RGS8: variants seen among roughly 807,000 people sequenced by gnomAD.
The protein encoded by RGS8 is regulator of G protein signaling 8, also known as regulator of G-protein signaling 8.
In RGS8, 8 loss-of-function variants were observed where a neutral mutation model predicts 21.7. The ratio of observed to expected loss-of-function variants is 0.37; its 90% confidence interval spans 0.22 to 0.66. The LOEUF is 0.66. RGS8 is among the 30% of genes least tolerant of loss of function. The pLI, the probability that RGS8 is intolerant of heterozygous loss-of-function variation, is 0.59. For synonymous variants in RGS8, 80 were observed against 83.6 expected (o/e 0.96, Z 0.24); for missense variants, 157 against 217.9 (o/e 0.72, Z 1.76).
chr1:182,733,433 G>A, the RGS8 span, among the ~76,000 whole-genome samples: 5 of 152,184 alleles, frequency 3.3e-5, no homozygotes, highest in Non-Finnish European at 5.9e-5. Flanking sequence ...AAGGAGCATC[G>A]GGTATCAAGT....
chr1:182,689,575 A>G (rs1269434860), upstream of RGS8, among the ~76,000 whole-genome samples: 6 of 152,210 alleles, frequency 3.9e-5, no homozygotes, highest in Non-Finnish European at 7.3e-5. Flanking sequence ...GCCCACTAAC[A>G]GAAGGAAAGA....
chr1:182,712,676 C>A, the RGS8 span, among the ~76,000 whole-genome samples: 1 of 152,146 alleles, frequency 6.6e-6, no homozygotes, highest in Non-Finnish European at 1.5e-5. Flanking sequence ...GCCATGGAGA[C>A]CTCAGATTTG....
At chr1:182,716,206 A>G in the RGS8 span, among the ~76,000 whole-genome samples, 6 of 151,480 alleles carry the variant, frequency 4.0e-5, no homozygotes, top group African/African-American at 1.5e-4. Context: ...GCTCATTGCA[A>G]CTTCCACCTC....
the RGS8 span, among the ~76,000 whole-genome samples, chr1:182,735,578 G>A: frequency 8.0e-3 from 1,216 of 152,220 alleles, 13 homozygotes; most frequent in African/African-American, 0.028. Context: ...TAAGCAGGGC[G>A]CTATGGCAGT....
At chr1:182,740,223 T>C in the RGS8 span, among the ~76,000 whole-genome samples, 13 of 152,220 alleles carry the variant, frequency 8.5e-5, no homozygotes, top group African/African-American at 3.1e-4. Context: ...AAGTGCTGTG[T>C]ACTCAGAAAC....
chr1:182,730,446 A>G, the RGS8 span, among the ~76,000 whole-genome samples: 23 of 152,180 alleles, frequency 1.5e-4, no homozygotes, highest in Middle Eastern at 3.4e-3. Context: ...TCAGTGGCTC[A>G]TGCCTGTAAT....
chr1:182,734,033 G>A, the RGS8 span, among the ~76,000 whole-genome samples: 1 of 151,990 alleles, frequency 6.6e-6, no homozygotes, highest in Non-Finnish European at 1.5e-5. Context: ...CAATTCTCCT[G>A]CCTCAGCCTC....
chr1:182,666,834 G>T, intron 4 of RGS8, 38 bp downstream of exon 5: 1 of 1,479,690 alleles, frequency 6.8e-7, no homozygotes, highest in Non-Finnish European at 9.5e-7. Context: ...ATGACTTGCT[G>T]TATTACCCAG....
At chr1:182,732,730 A>G in the RGS8 span, among the ~76,000 whole-genome samples, 2 of 152,358 alleles carry the variant, frequency 1.3e-5, no homozygotes, top group East Asian at 3.9e-4. Context: ...TTGACAAAAA[A>G]GGGCATGCTA....
the RGS8 span, among the ~76,000 whole-genome samples, chr1:182,726,912 C>CT: frequency 0.33 from 49,498 of 151,574 alleles, 8,127 homozygotes; most frequent in African/African-American, 0.37. Context: ...TTGATATAGA[C>CT]TTTTTTTTAT....
chr1:182,677,826 C>A (rs904880130), upstream of RGS8, among the ~76,000 whole-genome samples: 20 of 152,294 alleles, frequency 1.3e-4, no homozygotes, highest in African/African-American at 4.8e-4. Flanking sequence ...TGCGATTCTT[C>A]CTTAGGTCTC....
chr1:182,719,077 G>C, the RGS8 span, among the ~76,000 whole-genome samples: 1 of 152,154 alleles, frequency 6.6e-6, no homozygotes, highest in African/African-American at 2.4e-5. Context: ...TGTTTCCCCG[G>C]TTTCTTTCTT....
the RGS8 span, among the ~76,000 whole-genome samples, chr1:182,740,548 G>GTTTTTTTTTTTTTTTTTTTT: frequency 5.7e-4 from 43 of 75,962 alleles, no homozygotes; most frequent in Non-Finnish European, 1.0e-3. Flanking sequence ...TTGTTTGTTT[G>GTTTTTTTTTTTTTTTTTTTT]TTTTTTTTTT....
chr1:182,748,788 C>A, the RGS8 span, among the ~76,000 whole-genome samples: 1 of 152,072 alleles, frequency 6.6e-6, no homozygotes, highest in Non-Finnish European at 1.5e-5. Context: ...CTTTTTTATA[C>A]TGTTCATTCT....
At chr1:182,707,093 G>A in the RGS8 span, among the ~76,000 whole-genome samples, 1 of 152,036 alleles carries the variant, frequency 6.6e-6, no homozygotes, top group Non-Finnish European at 1.5e-5. Flanking sequence ...GGGAGGTGGA[G>A]GTTGCATTGA....
chr1:182,690,694 A>G, the RGS8 span, among the ~76,000 whole-genome samples: 1 of 152,222 alleles, frequency 6.6e-6, no homozygotes, highest in Non-Finnish European at 1.5e-5. Context: ...ATACCTCGTG[A>G]TTTGATAAAA....
the RGS8 span, among the ~76,000 whole-genome samples, chr1:182,737,364 T>C: frequency 6.6e-6 from 1 of 152,200 alleles, no homozygotes; most frequent in Non-Finnish European, 1.5e-5. Flanking sequence ...CTTTGCCATA[T>C]GATGTGGTTT....
At chr1:182,680,622 G>GTTCATTCA (rs71297858) in intron 1 of RGS8, among the ~76,000 whole-genome samples, 77,936 of 150,856 alleles carry the variant, frequency 0.52, 21,663 homozygotes, top group African/African-American at 0.74. Flanking sequence ...GAAAGCATGG[G>GTTCATTCA]TTCATTCATT....
chr1:182,721,634 A>G, the RGS8 span, among the ~76,000 whole-genome samples: 1 of 152,102 alleles, frequency 6.6e-6, no homozygotes, highest in Non-Finnish European at 1.5e-5. Flanking sequence ...CTATGTATCT[A>G]TTGGTCACTT....
Sources: allele counts gnomAD v4.1 joint callset (sites outside exome capture counted in the v4.1 genomes callset), GRCh38; gene constraint gnomAD v4.1.1; transcripts MANE v1.5; gene names NCBI Gene and HGNC (gene_info 2026-07-23, HGNC 2026-07-21).